The following CCNJ variants were observed in gnomAD, a reference collection of about 807,000 sequenced individuals.
CCNJ encodes the protein cyclin-J.
In CCNJ, 12 loss-of-function variants were observed where a neutral mutation model predicts 41.4. The observed-to-expected ratio is 0.29, with a 90% confidence interval of 0.19 to 0.47. The LOEUF is 0.47. Among genes scored for constraint, CCNJ ranks in the 20% least tolerant of loss-of-function variants. The probability of loss-of-function intolerance (pLI) is 1.00; values close to 1 mark genes in which losing one functional copy is unlikely to be tolerated. For synonymous variants in CCNJ, 161 were observed against 173.4 expected (o/e 0.93, Z 0.56); for missense variants, 340 against 464.6 (o/e 0.73, Z 2.47).
intron 3 of CCNJ, among the ~76,000 whole-genome samples, chr10:96,056,398 T>C (rs982200581): frequency 2.0e-5 from 3 of 152,134 alleles, no homozygotes; most frequent in Non-Finnish European, 4.4e-5. Flanking sequence ...CCTGAAAATA[T>C]TCAGCTGATG....
At chr10:96,047,446 G>A (rs2080395140) in intron 2 of CCNJ, among the ~76,000 whole-genome samples, 1 of 152,158 alleles carries the variant, frequency 6.6e-6, no homozygotes, top group South Asian at 2.1e-4. Context: ...CCATGAGCTG[G>A]AGACCAGCCT....
In CCNJ at chr10:96,059,963, T is replaced by C. The variant is rs2080782862; in HGVS notation, c.*1722T>C. The stretch of plus-strand genomic sequence containing the variant: ...GTACATAGGGCATGATGTGGATTTA[T>C]TAGTCTGGTAGATAAAATGAAAAAC... On this transcript the variant is annotated 3_prime_UTR_variant, in exon 6 of 6. Coordinates refer to ENST00000465148, the MANE Select transcript of CCNJ (RefSeq NM_001134375.2). 1 of 152,674 alleles carries C rather than the reference T, an allele frequency of 6.5e-6. No individual in the cohort carries two copies. The highest frequency in any genetic ancestry group is 1.5e-5 in the Non-Finnish European group (1 of 68,042). The allele number at this position is 152,674 out of a possible 1,614,324, so 9.5% of individuals were successfully genotyped here.
chr10:96,054,833 T>C (rs2142060473), intron 3 of CCNJ, among the ~76,000 whole-genome samples: 1 of 152,358 alleles, frequency 6.6e-6, no homozygotes, highest in African/African-American at 2.4e-5. Context: ...ATGTATTAAT[T>C]TCTTCAAAGG....
chr10:96,051,540 A>G (rs2080524238), intron 3 of CCNJ, among the ~76,000 whole-genome samples: 2 of 151,886 alleles, frequency 1.3e-5, no homozygotes, highest in South Asian at 4.2e-4. Flanking sequence ...ATGTCATTAT[A>G]ATAGAATCTT....
chr10:96,055,706 C>T lies in CCNJ; in HGVS notation c.281-995C>T, dbSNP rs1204664134. ...GTATTTCCAGAAAAGAAATTAATCC[C>T]TTTGAATAATGTTCAGCCATCATAT... On this transcript the variant is annotated intron_variant, in intron 3 of 5. Transcript: ENST00000465148. 2.0e-5 allele frequency among the ~76,000 whole-genome samples: 3 copies of T among 152,292 alleles called. No individual in the cohort carries two copies. In the East Asian group the frequency reaches 5.8e-4, roughly 29 times the overall value.
intron 3 of CCNJ, among the ~76,000 whole-genome samples, chr10:96,050,689 G>A (rs1246853914): frequency 2.0e-5 from 3 of 152,012 alleles, no homozygotes; most frequent in East Asian, 1.9e-4. Context: ...GTACATTCTC[G>A]GCCACTCCAG....
rs561102781 is a variant in CCNJ, at chr10:96,048,246, C to T, written c.70-2010C>T. Among the ~76,000 whole-genome samples the T allele has an allele frequency of 4.6e-5, 7 of 152,230 alleles. No homozygotes were observed. The South Asian group carries it at 1.4e-3, about 32-fold the overall frequency. On this transcript the variant is annotated intron_variant, in intron 2 of 5. Transcript: ENST00000465148. ...TGTGAATAGTGCTTCAGTGAACATA[C>T]ACATGCATGTGTCTTTATAGTAGAA...
intron 2 of CCNJ, among the ~76,000 whole-genome samples, chr10:96,048,781 A>G (rs973130085): frequency 3.3e-5 from 5 of 152,180 alleles, no homozygotes; most frequent in African/African-American, 4.8e-5. Context: ...GCTGAATAAT[A>G]CTCCATGTAT....
intron 2 of CCNJ, 48 bp from the exon 3 acceptor site, chr10:96,050,208 G>A (rs1264699624): frequency 8.3e-7 from 1 of 1,208,426 alleles, no homozygotes; most frequent in Non-Finnish European, 1.2e-6. Context: ...GCCTTGTGGG[G>A]ATACGCCTAC....
chr10:96,056,989 T>C lies in CCNJ; in HGVS notation c.569T>C (p.Val190Ala). ...MAKYADYFLE[V>A]SLQDYAFLNY... ...AAATATGCAGATTACTTCCTGGAAGTATCTTTGCAAGGTGGGTTGTTGTGA... is the reference window on the plus strand; with the variant it reads ...AAATATGCAGATTACTTCCTGGAAGCATCTTTGCAAGGTGGGTTGTTGTGA... Residue 190 changes from valine to alanine, a missense_variant, in exon 4 of 6, where the codon GTA becomes GCA. Physicochemically the swap from Val to Ala is moderately conservative, Grantham distance 64 (BLOSUM62 0). Transcript: ENST00000465148. 1.2e-6 allele frequency: 2 copies of C among 1,613,706 alleles called. No homozygotes were observed. The highest frequency in any genetic ancestry group is 1.7e-6 in the Non-Finnish European group (2 of 1,179,674).
At chr10:96,051,063 A>G (rs2080508290) in intron 3 of CCNJ, among the ~76,000 whole-genome samples, 1 of 152,268 alleles carries the variant, frequency 6.6e-6, no homozygotes, top group Non-Finnish European at 1.5e-5. Flanking sequence ...ATATTAGAAT[A>G]CTTTCTACTG....
chr10:96,043,422 G>A (rs1448138707), upstream of CCNJ: 2 of 373,666 alleles, frequency 5.4e-6, no homozygotes, highest in Non-Finnish European at 9.5e-6. Flanking sequence ...TACCCAGGCG[G>A]GAGCCGCCGC....
chr10:96,057,853 A>C lies in CCNJ; in HGVS notation c.764A>C (p.Glu255Ala), dbSNP rs1164503218. 5 of 1,613,926 alleles carry C rather than the reference A, an allele frequency of 3.1e-6. No individual in the cohort carries two copies. Among genetic ancestry groups the C allele is most frequent in the Non-Finnish European group, 4.2e-6 (5 of 1,179,968 alleles). The change falls in exon 6 of 6, where the codon GAA becomes GCA. Residue 255 changes from glutamate to alanine, a missense_variant. Coordinates refer to ENST00000465148, the MANE Select transcript of CCNJ (RefSeq NM_001134375.2). ...LLIAHDNDVK[E>A]ANKQRGQAGP... is the part of the protein sequence containing the mutation. The stretch of plus-strand genomic sequence containing the variant: ...AGCGCTCATGATAATGATGTGAAAG[A>C]AGCAAACAAACAGAGAGGGCAAGCA...
rs1333988153 is a variant in CCNJ, at chr10:96,058,380, A to G, written c.*139A>G. ...CAGGTACCAGCACCAGGAAGACTGAATATCCTTTTTAATGCACCATGAATC... is the reference window on the plus strand; with the variant it reads ...CAGGTACCAGCACCAGGAAGACTGAGTATCCTTTTTAATGCACCATGAATC... On this transcript the variant is annotated 3_prime_UTR_variant, in exon 6 of 6. Coordinates refer to ENST00000465148, the MANE Select transcript of CCNJ (RefSeq NM_001134375.2). 5 of 661,296 alleles carry G rather than the reference A, an allele frequency of 7.6e-6. No individual in the cohort carries two copies. The highest frequency in any genetic ancestry group is 1.8e-5 in the African/African-American group (1 of 55,290). 41.0% of individuals were successfully genotyped at this position (661,296 alleles called of 1,614,324 possible). A position where few individuals can be genotyped will look rare whatever the true frequency, so the allele number is the denominator to read the frequency against.
rs1363688211 is a variant in CCNJ at position 96,059,370 on chromosome 10, A to G, written c.*1129A>G. The G allele has an allele frequency of 6.6e-6, 1 of 152,656 alleles. No individual in the cohort carries two copies. Among genetic ancestry groups the G allele is most frequent in the East Asian group, 1.9e-4 (1 of 5,198 alleles). 9.5% of individuals were successfully genotyped at this position (152,656 alleles called of 1,614,324 possible). A position where few individuals can be genotyped will look rare whatever the true frequency, so the allele number is the denominator to read the frequency against. On this transcript the variant is annotated 3_prime_UTR_variant, in exon 6 of 6. Transcript: ENST00000465148. ...GAATCCAGCTCTAGTCAGTCTAAGC[A>G]GGCAAAGGTAACTGATGACTAAATT...
rs768607032 is a variant in CCNJ at position 96,058,261 on chromosome 10, C to G, written c.*20C>G. On this transcript the variant is annotated 3_prime_UTR_variant, in exon 6 of 6. Transcript: ENST00000465148. ...AGGTGATTATTTGTGAAGCTGATAA[C>G]CGACCCAGACTGCTTTGTGACATGA... 1 of 1,594,956 alleles carries G rather than the reference C, an allele frequency of 6.3e-7. No homozygotes were observed. Among genetic ancestry groups the G allele is most frequent in the Non-Finnish European group, 8.6e-7 (1 of 1,168,320 alleles).
rs1000237337 is a variant in CCNJ, at chr10:96,060,271, C to T, written c.*2030C>T. On this transcript the variant is annotated 3_prime_UTR_variant, in exon 6 of 6. Transcript: ENST00000465148. ...GGATAGAGATCCCAACTTGAAACAA[C>T]AGCCAGTGCCTGTGGTAACTTAATG... is the stretch of plus-strand genomic sequence containing the variant. The T allele has an allele frequency of 1.2e-4, 18 of 152,648 alleles. No homozygotes were observed. The highest frequency in any genetic ancestry group is 4.1e-4 in the African/African-American group (17 of 41,442). 9.5% of individuals were successfully genotyped at this position (152,648 alleles called of 1,614,324 possible).
intron 2 of CCNJ, among the ~76,000 whole-genome samples, chr10:96,045,316 A>C (rs1564700323): frequency 6.6e-6 from 1 of 152,230 alleles, no homozygotes; most frequent in Non-Finnish European, 1.5e-5. Context: ...CCTTGGATAA[A>C]GAAAGCCATT....
Position 96,058,152 on chromosome 10 carries a change from G to A in CCNJ, c.1063G>A (p.Glu355Lys), listed in dbSNP as rs759998888. The change falls in exon 6 of 6, where the codon GAA (glutamate) becomes AAA (lysine). Residue 355 changes from glutamate to lysine, a missense_variant. Physicochemically the swap from Glu to Lys is moderately conservative, Grantham distance 56. Coordinates refer to ENST00000465148, the MANE Select transcript of CCNJ (RefSeq NM_001134375.2). ...GVGMSLAIPVEVKPCLSVSYN... is the reference protein window; with the variant it reads ...GVGMSLAIPVKVKPCLSVSYN... ...TGGGATGTCACTGGCAATACCAGTAGAAGTTAAGCCCTGTCTGAGTGTTTC... is the reference window on the plus strand; with the variant it reads ...TGGGATGTCACTGGCAATACCAGTAAAAGTTAAGCCCTGTCTGAGTGTTTC... 4 of 1,613,990 alleles carry A rather than the reference G, an allele frequency of 2.5e-6. No homozygotes were observed. The highest frequency in any genetic ancestry group is 3.3e-5 in the Admixed American group (2 of 60,006).
Sources: allele counts gnomAD v4.1 joint callset (sites outside exome capture counted in the v4.1 genomes callset), GRCh38; gene constraint gnomAD v4.1.1; transcripts MANE v1.5; gene names NCBI Gene and HGNC (gene_info 2026-07-23, HGNC 2026-07-21).